DOT1L: variants seen among roughly 807,000 people sequenced by gnomAD.
DOT1L encodes the protein histone-lysine N-methyltransferase, H3 lysine-79 specific.
A neutral mutation model predicts 153.3 loss-of-function variants in DOT1L; 33 were observed. The observed-to-expected ratio is 0.22, with a 90% CI of 0.16 to 0.29. DOT1L has a LOEUF of 0.29. Among genes scored for constraint, DOT1L ranks in the 10% least tolerant of loss-of-function variants. DOT1L has a pLI of 1.00. For missense variants in DOT1L, 1,847 were observed against 2,119.9 expected (o/e 0.87, Z 2.53); for synonymous variants, 1,135 against 965.1 (o/e 1.18, Z -3.26).
rs2023551302 is a variant in DOT1L at position 2,207,562 on chromosome 19, T to C, written c.857-12T>C. The stretch of plus-strand genomic sequence containing the variant: ...CAGGCGCAGGCCCCGGCCTCACCTG[T>C]GGCTCCTGCAGACATCGGCACCATC... On this transcript the variant is annotated splice_polypyrimidine_tract_variant and intron_variant, in intron 10 of 27. Transcript: ENST00000398665. This position sits in a 1 kb window ranked among gnomAD's most constrained non-coding sequence, Gnocchi z 4.5. 1 of 1,605,718 alleles carries C rather than the reference T, an allele frequency of 6.2e-7. No homozygotes were observed. Among genetic ancestry groups the C allele is most frequent in the Admixed American group, 1.7e-5 (1 of 59,532 alleles).
At chr19:2,189,864 T>A in intron 4 of DOT1L, 69 bp downstream of exon 4, 1 of 1,538,920 alleles carries the variant, frequency 6.5e-7, no homozygotes, top group Non-Finnish European at 8.9e-7. Flanking sequence ...AGACCCCTTA[T>A]GTCACCGCCT....
intron 1 of DOT1L, among the ~76,000 whole-genome samples, chr19:2,172,507 CTT>C (rs879379617): frequency 1.0e-4 from 14 of 139,926 alleles, no homozygotes; most frequent in Admixed American, 1.4e-4. Context: ...TTCTTTCTTT[CTT>C]TTTTTTTTTT....
intron 3 of DOT1L, 131 bp downstream of exon 3, chr19:2,186,060 G>T: frequency 1.2e-6 from 1 of 864,854 alleles, no homozygotes; most frequent in Non-Finnish European, 1.9e-6. Flanking sequence ...TTTAGAGTTG[G>T]CCGTGGCCAC....
intron 1 of DOT1L, among the ~76,000 whole-genome samples, chr19:2,174,516 G>T (rs1161176625): frequency 1.3e-5 from 2 of 152,214 alleles, no homozygotes; most frequent in East Asian, 1.9e-4. Context: ...GAGAAACCCC[G>T]TCTCTGTTAA....
chr19:2,177,808 T>C (rs557946767), intron 1 of DOT1L, among the ~76,000 whole-genome samples: 1 of 151,996 alleles, frequency 6.6e-6, no homozygotes, highest in Non-Finnish European at 1.5e-5. Flanking sequence ...GCTGCCCAGA[T>C]TGGAGTGCAG....
Position 2,223,490 on chromosome 19 carries a change from A to G in DOT1L, c.3596+4A>G. The G allele has an allele frequency of 6.9e-7, 1 of 1,447,260 alleles. No individual in the cohort carries two copies. The highest frequency in any genetic ancestry group is 9.3e-7 in the Non-Finnish European group (1 of 1,077,106). The allele number at this position is 1,447,260 out of a possible 1,614,324, so 89.7% of individuals were successfully genotyped here. A position where few individuals can be genotyped will look rare whatever the true frequency, so the allele number is the denominator to read the frequency against. The stretch of plus-strand genomic sequence containing the variant: ...AGGACGAGCCCAGCAGTGCTCGGCG[A>G]GTCCAGGGGCCCGGAGGGGGGCGGG... On this transcript the variant is annotated splice_donor_region_variant and intron_variant, in intron 25 of 27. Transcript: ENST00000398665.
chr19:2,224,527 G>T (rs2024251992), intron 25 of DOT1L, among the ~76,000 whole-genome samples: 2 of 151,188 alleles, frequency 1.3e-5, no homozygotes, highest in African/African-American at 4.9e-5. Flanking sequence ...GAGTGCGGTG[G>T]CGCGATCTCG....
chr19:2,219,505 G>C (rs1182635656), intron 22 of DOT1L, among the ~76,000 whole-genome samples: 1 of 152,134 alleles, frequency 6.6e-6, no homozygotes, highest in Non-Finnish European at 1.5e-5. Context: ...ATCTTCATCC[G>C]TGCCCAGTTG....
chr19:2,223,135 A>G (rs571280086), intron 24 of DOT1L, 146 bp from the exon 25 acceptor site: 8 of 782,144 alleles, frequency 1.0e-5, no homozygotes, highest in Admixed American at 8.0e-5. Context: ...GAACCAGGAC[A>G]GGGGCTGTAC....
intron 9 of DOT1L, 137 bp from the exon 10 acceptor site, chr19:2,206,592 C>G: frequency 2.7e-5 from 16 of 595,064 alleles, no homozygotes; most frequent in Middle Eastern, 4.5e-4. Flanking sequence ...CCTAGTGTTG[C>G]TTGTAGGCAG....
intron 3 of DOT1L, among the ~76,000 whole-genome samples, chr19:2,189,182 A>G (rs2144734308): frequency 6.6e-6 from 1 of 152,144 alleles, no homozygotes; most frequent in East Asian, 1.9e-4. Context: ...AATGAGTTGG[A>G]GCTTTGGAAG....
In DOT1L at chr19:2,227,979, G is replaced by A. The variant is rs1247139515; in HGVS notation, c.4606+852G>A. On this transcript the variant is annotated intron_variant, in intron 27 of 27. Coordinates refer to ENST00000398665, the MANE Select transcript of DOT1L (RefSeq NM_032482.3). ...GGGCCGGTCCCCCGCGGGGCCGCCC[G>A]TCCTCCACGCCCCCCCTCCACCTAA... The A allele has an allele frequency of 2.6e-5, 32 of 1,221,876 alleles. 1 individual carries two copies. The highest frequency in any genetic ancestry group is 3.1e-5 in the Non-Finnish European group (30 of 953,880). 75.7% of individuals were successfully genotyped at this position (1,221,876 alleles called of 1,614,324 possible).
In DOT1L at chr19:2,187,790, C is replaced by T. The variant is rs574796829; in HGVS notation, c.200+1861C>T. 1.6e-3 allele frequency among the ~76,000 whole-genome samples: 246 copies of T among 152,164 alleles called. 1 individual carries two copies. Among genetic ancestry groups the T allele is most frequent in the Non-Finnish European group, 2.6e-3 (177 of 67,996 alleles). On this transcript the variant is annotated intron_variant, in intron 3 of 27. Coordinates refer to ENST00000398665, the MANE Select transcript of DOT1L (RefSeq NM_032482.3). ...ACAAAAAATTAGCCGGGCGTGGTGG[C>T]GGGTGCCTGTAGTCCCAGTTAGTCA...
intron 3 of DOT1L, among the ~76,000 whole-genome samples, chr19:2,189,424 C>G (rs1166330702): frequency 6.6e-6 from 1 of 152,238 alleles, no homozygotes; most frequent in African/African-American, 2.4e-5. Context: ...CCCTCTTTCT[C>G]TCCTCACGCC....
At chr19:2,172,207 T>G (rs992394239) in intron 1 of DOT1L, among the ~76,000 whole-genome samples, 1 of 151,370 alleles carries the variant, frequency 6.6e-6, no homozygotes, top group Admixed American at 6.6e-5. Flanking sequence ...TTTTTTTTTT[T>G]GAGACGGAGT....
Position 2,232,154 on chromosome 19 carries a change from T to C in DOT1L, c.*2362T>C, listed in dbSNP as rs1599639885. 2.2e-5 allele frequency: 5 copies of C among 222,860 alleles called. No homozygotes were observed. The highest frequency in any genetic ancestry group is 1.7e-4 in the Admixed American group (3 of 17,378). 13.8% of individuals were successfully genotyped at this position (222,860 alleles called of 1,614,324 possible). On this transcript the variant is annotated 3_prime_UTR_variant, in exon 28 of 28. Coordinates refer to ENST00000398665, the MANE Select transcript of DOT1L (RefSeq NM_032482.3). The stretch of plus-strand genomic sequence containing the variant: ...AGCTGGCGGGGACCTGTGCTGCTGC[T>C]GCTGACTGTGGGTGGGCGGGCGGCG...
intron 3 of DOT1L, among the ~76,000 whole-genome samples, chr19:2,188,880 G>A (rs1348638035): frequency 2.6e-5 from 4 of 152,202 alleles, no homozygotes; most frequent in Non-Finnish European, 5.9e-5. Context: ...GCCCAGGCCT[G>A]GCTGGGCCGC....
At chr19:2,168,332 T>A (rs534781655) in intron 1 of DOT1L, among the ~76,000 whole-genome samples, 1 of 152,132 alleles carries the variant, frequency 6.6e-6, no homozygotes, top group African/African-American at 2.4e-5. Context: ...TGAAGTTAAG[T>A]AGATTATAAA....
chr19:2,189,853 C>T, intron 4 of DOT1L, 58 bp downstream of exon 4: 1 of 1,581,202 alleles, frequency 6.3e-7, no homozygotes, highest in Non-Finnish European at 8.6e-7. Flanking sequence ...CGGACCCCTC[C>T]AGACCCCTTA....
Sources: gnomAD v4.1 joint callset for allele counts (sites outside exome capture counted in the v4.1 genomes callset) on GRCh38, gnomAD v4.1.1 for gene constraint, Gnocchi (gnomAD v3.1) non-coding constraint, MANE v1.5 for transcripts, NCBI Gene and HGNC (gene_info 2026-07-23, HGNC 2026-07-21) for gene names.